ZMYND12: variants seen among roughly 807,000 people sequenced by gnomAD.
The protein encoded by ZMYND12 is zinc finger MYND-type containing 12.
ZMYND12 carries 32 observed loss-of-function variants against 41.7 expected under a neutral mutation model. The observed-to-expected ratio is 0.77, with a 90% confidence interval of 0.58 to 1.03. The LOEUF is 1.03. Among genes scored for constraint, ZMYND12 ranks in the 50% least tolerant of loss-of-function variants. The pLI is 0.00. For missense variants in ZMYND12, 424 were observed against 438.5 expected (o/e 0.97, Z 0.30); for synonymous variants, 148 against 164.8 (o/e 0.90, Z 0.78).
chr1:42,447,099 C>A (rs1408938593), intron 3 of ZMYND12, among the ~76,000 whole-genome samples: 1 of 152,026 alleles, frequency 6.6e-6, no homozygotes, highest in Non-Finnish European at 1.5e-5. Flanking sequence ...AAGGACGTAT[C>A]CATGAAATGA....
chr1:42,433,546 ACTC>A (rs1642876980), intron 6 of ZMYND12, among the ~76,000 whole-genome samples: 4 of 152,066 alleles, frequency 2.6e-5, no homozygotes, highest in Admixed American at 2.6e-4. Flanking sequence ...AAATAGGCTC[ACTC>A]CCACAGGTCC....
At chr1:42,449,800 A>G in intron 2 of ZMYND12, 118 bp downstream of exon 2, 2 of 1,288,248 alleles carry the variant, frequency 1.6e-6, no homozygotes, top group East Asian at 4.8e-5. Flanking sequence ...AAAGATATAA[A>G]ACAAAGTCTC....
At chr1:42,442,498 T>C (rs1234102325) in intron 3 of ZMYND12, among the ~76,000 whole-genome samples, 2 of 152,204 alleles carry the variant, frequency 1.3e-5, no homozygotes, top group Admixed American at 6.5e-5. Flanking sequence ...CATCTTTATA[T>C]ATACAGAGGC....
intron 1 of ZMYND12, 71 bp downstream of exon 1, chr1:42,455,817 C>A: frequency 7.9e-7 from 1 of 1,266,652 alleles, no homozygotes; most frequent in Admixed American, 2.2e-5. Flanking sequence ...ACGCAAGGTA[C>A]CCAAGCCAGA....
chr1:42,448,707 C>T lies in ZMYND12; in HGVS notation c.253-69G>A. 1 of 1,485,208 alleles carries T rather than the reference C, an allele frequency of 6.7e-7. No homozygotes were observed. The highest frequency in any genetic ancestry group is 1.3e-5 in the South Asian group (1 of 75,212). The allele number at this position is 1,485,208 out of a possible 1,614,324, so 92.0% of individuals were successfully genotyped here. On this transcript the variant is annotated intron_variant, in intron 2 of 7. Transcript: ENST00000372565. ...AAGGCAAAGGTGGATGTAGATGGCC[C>T]TGGGGATAAGGCCAACACCTAATGA...
intron 4 of ZMYND12, among the ~76,000 whole-genome samples, chr1:42,438,805 A>G (rs1272424175): frequency 6.6e-6 from 1 of 152,214 alleles, no homozygotes; most frequent in African/African-American, 2.4e-5. Flanking sequence ...TGCAGAGGCC[A>G]GAAGAGAGGC....
intron 1 of ZMYND12, among the ~76,000 whole-genome samples, chr1:42,454,915 C>G (rs1274079282): frequency 1.3e-5 from 2 of 152,092 alleles, no homozygotes; most frequent in East Asian, 3.8e-4. Flanking sequence ...CCTGTACACA[C>G]ACACATGTCC....
At chr1:42,454,019 G>A (rs1569579095) in intron 1 of ZMYND12, among the ~76,000 whole-genome samples, 1 of 152,182 alleles carries the variant, frequency 6.6e-6, no homozygotes, top group Non-Finnish European at 1.5e-5. Flanking sequence ...AGTTGAGACT[G>A]GGTTTAGACC....
At chr1:42,444,094 C>A (rs1642997714) in intron 3 of ZMYND12, among the ~76,000 whole-genome samples, 1 of 152,122 alleles carries the variant, frequency 6.6e-6, no homozygotes, top group African/African-American at 2.4e-5. Context: ...AATTCCTGGG[C>A]TCAAGAGATC....
Position 42,449,907 on chromosome 1 carries a change from G to A in ZMYND12, c.252+11C>T, listed in dbSNP as rs759132659. ...CTACGACTTAACCTTGGAAAGTGCC[G>A]TAGGCCCTACCTGCCGCTGCTGCAG... is the stretch of plus-strand genomic sequence containing the variant. On this transcript the variant is annotated intron_variant, in intron 2 of 7. Transcript: ENST00000372565. The A allele has an allele frequency of 1.5e-5, 24 of 1,609,086 alleles. No homozygotes were observed. The highest frequency in any genetic ancestry group is 9.9e-5 in the South Asian group (9 of 91,064).
chr1:42,455,527 G>C (rs1643153555), intron 1 of ZMYND12, among the ~76,000 whole-genome samples: 1 of 152,240 alleles, frequency 6.6e-6, no homozygotes, highest in Admixed American at 6.5e-5. Context: ...GCCCGCCTCG[G>C]CCTCCCGAAG....
intron 6 of ZMYND12, 39 bp from the exon 7 acceptor site, chr1:42,433,327 G>A (rs1275363099): frequency 1.9e-6 from 3 of 1,578,706 alleles, no homozygotes; most frequent in African/African-American, 2.7e-5. Flanking sequence ...CAGGCTCTTG[G>A]CAACTGAGTC....
chr1:42,448,759 G>T, intron 2 of ZMYND12, 121 bp from the exon 3 acceptor site: 2 of 969,924 alleles, frequency 2.1e-6, no homozygotes, highest in Non-Finnish European at 3.0e-6. Flanking sequence ...TAGTGAGCCT[G>T]CCTGTATTAG....
intron 3 of ZMYND12, among the ~76,000 whole-genome samples, chr1:42,444,711 T>C (rs182920470): frequency 6.6e-6 from 1 of 152,212 alleles, no homozygotes; most frequent in East Asian, 1.9e-4. Context: ...TCCCCTGAGC[T>C]TACAGTCTAC....
chr1:42,433,242 C>A lies in ZMYND12; in HGVS notation c.876G>T (p.Leu292Phe). 1.2e-6 allele frequency: 2 copies of A among 1,612,108 alleles called. No individual in the cohort carries two copies. Among genetic ancestry groups the A allele is most frequent in the South Asian group, 1.1e-5 (1 of 90,482 alleles). ...TGTCAGATGTAGATTCTCGAATGTT[C>A]AAGATTGAAGTCAGGATGCGAATGG... Reference protein sequence around the residue: ...AEAIRILTSILNIRESTSDKA... With the variant: ...AEAIRILTSIFNIRESTSDKA... Residue 292 changes from leucine to phenylalanine, a missense_variant, in exon 7 of 8, where the codon TTG becomes TTT. Transcript: ENST00000372565.
intron 7 of ZMYND12, among the ~76,000 whole-genome samples, chr1:42,431,835 G>A (rs940988526): frequency 5.3e-5 from 8 of 152,088 alleles, no homozygotes; most frequent in East Asian, 3.9e-4. Context: ...TCTGGGCTTC[G>A]CTGTCACACT....
intron 3 of ZMYND12, among the ~76,000 whole-genome samples, chr1:42,441,777 C>A (rs903082711): frequency 6.6e-6 from 1 of 151,960 alleles, no homozygotes; most frequent in Non-Finnish European, 1.5e-5. Context: ...CCCGCCACTA[C>A]GCCCGGCTAA....
In ZMYND12 at chr1:42,450,093, T is replaced by C. The variant is rs16829544; in HGVS notation, c.111-34A>G. ...GGAAACATAGACTTTATGATCTTTA[T>C]ATTTGGCATGACTTAAGATTCCATT... On this transcript the variant is annotated intron_variant, in intron 1 of 7. Transcript: ENST00000372565. The C allele has an allele frequency of 7.7e-3, 12,409 of 1,608,434 alleles. 827 individuals are homozygous for C. The African/African-American group carries it at 0.14, about 18-fold the overall frequency.
intron 6 of ZMYND12, among the ~76,000 whole-genome samples, chr1:42,434,575 C>T (rs538517345): frequency 2.7e-4 from 41 of 151,960 alleles, no homozygotes; most frequent in Non-Finnish European, 5.1e-4. Context: ...ACCACCTGAG[C>T]TCCACCTCCT....
Sources: gnomAD v4.1 joint callset for allele counts (sites outside exome capture counted in the v4.1 genomes callset) on GRCh38, gnomAD v4.1.1 for gene constraint, MANE v1.5 for transcripts, NCBI Gene and HGNC (gene_info 2026-07-23, HGNC 2026-07-21) for gene names.